The following GPC5 variants were observed in gnomAD, a reference collection of about 807,000 sequenced individuals.
The protein encoded by GPC5 is glypican 5.
A neutral mutation model predicts 53.9 loss-of-function variants in GPC5; 47 were observed. The observed-to-expected ratio is 0.87, with a 90% CI of 0.69 to 1.11. The LOEUF is 1.11. Among genes scored for constraint, GPC5 ranks in the 50% most tolerant of loss-of-function variants. GPC5 has a pLI of 0.00. For synonymous variants in GPC5, 286 were observed against 263.3 expected (o/e 1.09, Z -0.84); for missense variants, 748 against 713.1 (o/e 1.05, Z -0.56).
At chr13:91,872,789 G>A (rs978382415) in intron 5 of GPC5, among the ~76,000 whole-genome samples, 3 of 152,042 alleles carry the variant, frequency 2.0e-5, no homozygotes, top group African/African-American at 4.8e-5. Context: ...CATATTATTA[G>A]CATATATGCA....
intron 2 of GPC5, among the ~76,000 whole-genome samples, chr13:91,674,434 CA>C (rs2035323697): frequency 6.7e-6 from 1 of 149,112 alleles, no homozygotes; most frequent in African/African-American, 2.5e-5. Context: ...TATATATACA[CA>C]TATATATATA....
chr13:92,523,940 A>C (rs1881172342), intron 7 of GPC5, among the ~76,000 whole-genome samples: 1 of 152,118 alleles, frequency 6.6e-6, no homozygotes, highest in African/African-American at 2.4e-5. Flanking sequence ...ATTTATTGTT[A>C]AAAATTGCTA....
At chr13:91,775,870 A>T (rs2037703663) in intron 5 of GPC5, among the ~76,000 whole-genome samples, 1 of 152,200 alleles carries the variant, frequency 6.6e-6, no homozygotes, top group African/African-American at 2.4e-5. Flanking sequence ...CTGAGAGCTT[A>T]GGTGGCTAGA....
At chr13:92,703,055 T>TA (rs1491317043) in intron 7 of GPC5, among the ~76,000 whole-genome samples, 1 of 61,964 alleles carries the variant, frequency 1.6e-5, no homozygotes, top group East Asian at 7.2e-4. Flanking sequence ...TATATATATA[T>TA]TTATTTATTT....
chr13:92,638,273 C>T (rs1885475717), intron 7 of GPC5, among the ~76,000 whole-genome samples: 2 of 152,060 alleles, frequency 1.3e-5, no homozygotes, highest in African/African-American at 4.8e-5. Flanking sequence ...TTGACCTGAA[C>T]ATTGCTTTGA....
chr13:91,497,715 C>T (rs2139280846), intron 2 of GPC5, among the ~76,000 whole-genome samples: 1 of 152,296 alleles, frequency 6.6e-6, no homozygotes, highest in East Asian at 1.9e-4. Context: ...GTTTTGGGGT[C>T]ATGCTTGATG....
intron 7 of GPC5, among the ~76,000 whole-genome samples, chr13:92,809,736 T>A (rs1247411744): frequency 1.3e-5 from 2 of 152,186 alleles, no homozygotes; most frequent in Non-Finnish European, 2.9e-5. Context: ...ACAGGTGTCA[T>A]AATAATGAAG....
At chr13:91,541,919 T>A (rs1200616814) in intron 2 of GPC5, among the ~76,000 whole-genome samples, 1 of 151,546 alleles carries the variant, frequency 6.6e-6, no homozygotes, top group Non-Finnish European at 1.5e-5. Flanking sequence ...TGAAATAAAT[T>A]TTCTTTATTC....
At chr13:92,278,648 A>G (rs919833984) in intron 7 of GPC5, among the ~76,000 whole-genome samples, 1 of 151,970 alleles carries the variant, frequency 6.6e-6, no homozygotes, top group Non-Finnish European at 1.5e-5. Context: ...TTCTTTCAAT[A>G]GTTTTATACT....
At chr13:92,493,425 C>T (rs1246099367) in intron 7 of GPC5, among the ~76,000 whole-genome samples, 1 of 152,160 alleles carries the variant, frequency 6.6e-6, no homozygotes, top group Non-Finnish European at 1.5e-5. Flanking sequence ...TTTGTTGCTT[C>T]TTATCTACTT....
chr13:92,772,668 A>G (rs1284184519), intron 7 of GPC5, among the ~76,000 whole-genome samples: 1 of 152,068 alleles, frequency 6.6e-6, no homozygotes, highest in Non-Finnish European at 1.5e-5. Flanking sequence ...GACTTTCTCC[A>G]TGGAAAGGAA....
intron 7 of GPC5, among the ~76,000 whole-genome samples, chr13:92,236,063 GA>G (rs1305539980): frequency 3.3e-5 from 5 of 151,940 alleles, no homozygotes; most frequent in African/African-American, 9.7e-5. Context: ...GACCTCTTAA[GA>G]AATAAGGTAA....
At position 92,340,358 on chromosome 13, in the gene GPC5, G is replaced by T. The variant is rs1288382422; in HGVS notation, c.1561+195369G>T. The T allele has an allele frequency of 2.6e-5, 4 of 152,080 alleles. No individual in the cohort carries two copies. In the East Asian group the frequency reaches 7.7e-4, roughly 29 times the overall value. The allele number at this position is 152,080 out of a possible 1,614,324, so 9.4% of individuals were successfully genotyped here. A position where few individuals can be genotyped will look rare whatever the true frequency, so the allele number is the denominator to read the frequency against. ...CAAGTCAATGCAATCAAATCCTAGAGTGTCTACTCTCAGTTTCTGAAATCT... is the reference window on the plus strand; with the variant it reads ...CAAGTCAATGCAATCAAATCCTAGATTGTCTACTCTCAGTTTCTGAAATCT... On this transcript the variant is annotated intron_variant, in intron 7 of 7. Coordinates refer to ENST00000377067, the MANE Select transcript of GPC5 (RefSeq NM_004466.6).
chr13:91,825,339 A>G (rs1310146785), intron 5 of GPC5, among the ~76,000 whole-genome samples: 1 of 152,146 alleles, frequency 6.6e-6, no homozygotes, highest in Non-Finnish European at 1.5e-5. Context: ...TATCTTCAGG[A>G]TTAAATGAAA....
At chr13:92,839,202 ATATG>A (rs1243060419) in intron 7 of GPC5, among the ~76,000 whole-genome samples, 1 of 152,210 alleles carries the variant, frequency 6.6e-6, no homozygotes, top group Non-Finnish European at 1.5e-5. Context: ...TAAGTCTTAT[ATATG>A]TATTTATGTA....
chr13:92,089,299 TGGCGGGC>T (rs556722379), intron 6 of GPC5, among the ~76,000 whole-genome samples: 226 of 152,070 alleles, frequency 1.5e-3, no homozygotes, highest in African/African-American at 5.3e-3. Flanking sequence ...CCAGGCATTG[TGGCGGGC>T]GGCTGTAGTC....
chr13:92,401,704 A>G (rs903780648), intron 7 of GPC5, among the ~76,000 whole-genome samples: 2 of 152,168 alleles, frequency 1.3e-5, no homozygotes, highest in South Asian at 4.1e-4. Context: ...AGAAATTCAA[A>G]AGAATTGAAA....
chr13:92,735,937 T>C (rs924433860), intron 7 of GPC5, among the ~76,000 whole-genome samples: 2 of 152,002 alleles, frequency 1.3e-5, no homozygotes, highest in African/African-American at 2.4e-5. Context: ...ATGTTGTAAA[T>C]TGATAATAGA....
At chr13:92,758,649 T>G (rs979190557) in intron 7 of GPC5, among the ~76,000 whole-genome samples, 1 of 152,162 alleles carries the variant, frequency 6.6e-6, no homozygotes, top group Non-Finnish European at 1.5e-5. Context: ...GTGTTTATAT[T>G]TATTTTCAAG....
Sources: allele counts gnomAD v4.1 joint callset (sites outside exome capture counted in the v4.1 genomes callset), GRCh38; gene constraint gnomAD v4.1.1; transcripts MANE v1.5; gene names NCBI Gene and HGNC (gene_info 2026-07-23, HGNC 2026-07-21).